SLC22A13: variants seen among roughly 807,000 people sequenced by gnomAD.
SLC22A13 encodes the protein organic anion transporter 10.
Under a neutral mutation model 49.1 loss-of-function variants are expected in SLC22A13, and 42 were observed. The ratio of observed to expected loss-of-function variants is 0.85; its 90% confidence interval spans 0.67 to 1.11. SLC22A13 has a LOEUF of 1.11. Among genes scored for constraint, SLC22A13 ranks in the 50% least tolerant of loss-of-function variants. The pLI is 0.00. For missense variants in SLC22A13, 694 were observed against 712.8 expected (o/e 0.97, Z 0.30); for synonymous variants, 282 against 293.1 (o/e 0.96, Z 0.39).
intron 4 of SLC22A13, 56 bp from the exon 5 acceptor site, chr3:38,275,314 C>T: frequency 6.2e-7 from 1 of 1,608,416 alleles, no homozygotes; most frequent in Non-Finnish European, 8.5e-7. Context: ...CTGGAACAAG[C>T]TGGAAAGCTC....
chr3:38,276,926 G>C lies in SLC22A13; in HGVS notation c.1361G>C (p.Gly454Ala), dbSNP rs1477596803. Residue 454 changes from glycine (G) to alanine (A), a missense_variant, in exon 9 of 10, where the codon GGG (glycine) becomes GCG (alanine). Physicochemically the swap from Gly to Ala is moderately conservative, Grantham distance 60. Transcript: ENST00000311856. ...TCTTCCCCCAGGCAGACAGGCATGG[G>C]GCTGGTGGGCATCTTCTCACGGATC... is the stretch of plus-strand genomic sequence containing the variant. ...FPTILRQTGM[G>A]LVGIFSRIGG... 1 of 1,613,642 alleles carries C rather than the reference G, an allele frequency of 6.2e-7. No individual in the cohort carries two copies. The highest frequency in any genetic ancestry group is 1.7e-5 in the Admixed American group (1 of 59,962).
chr3:38,267,833 G>A (rs775687948), intron 1 of SLC22A13, among the ~76,000 whole-genome samples: 1 of 152,116 alleles, frequency 6.6e-6, no homozygotes, highest in Non-Finnish European at 1.5e-5. Flanking sequence ...CAAGATACTA[G>A]AAAAATGTTG....
intron 2 of SLC22A13, 30 bp from the exon 3 acceptor site, chr3:38,274,574 C>G: frequency 1.2e-6 from 2 of 1,606,516 alleles, no homozygotes; most frequent in Non-Finnish European, 8.5e-7. Flanking sequence ...CGGGAGGGAC[C>G]CTCCCCACAG....
Position 38,277,039 on chromosome 3 carries a change from G to C in SLC22A13, c.1474G>C (p.Ala492Pro). The C allele has an allele frequency of 6.3e-7, 1 of 1,599,976 alleles. No individual in the cohort carries two copies. ...MLIYGSLPIVAGLLCTLLPET... is the reference protein window; with the variant it reads ...MLIYGSLPIVPGLLCTLLPET... ...CATCTACGGCAGCCTCCCCATCGTG[G>C]CCGGCCTGCTGTGCACCCTGCTGCC... Residue 492 changes from alanine (A) to proline (P), a missense_variant, in exon 9 of 10, where the codon GCC (alanine) becomes CCC (proline). By Grantham distance (27) the Ala-to-Pro change is conservative. Transcript: ENST00000311856.
At chr3:38,266,907 A>G (rs1318674128) in intron 1 of SLC22A13, among the ~76,000 whole-genome samples, 1 of 152,070 alleles carries the variant, frequency 6.6e-6, no homozygotes, top group Non-Finnish European at 1.5e-5. Context: ...ATCCAGTCCC[A>G]CTCTGTTGCT....
chr3:38,277,374 C>A lies in SLC22A13; in HGVS notation c.1565C>A (p.Ser522Tyr), dbSNP rs149788845. The part of the protein sequence containing the change: ...QDLELGPHPR[S>Y]PKSVPSEKET... Reference sequence around the variant, plus strand: ...TGACAGCCTTCTGCTCCCTCTAGGTCCCCCAAATCAGTGCCCTCAGAGAAG... The same window carrying A: ...TGACAGCCTTCTGCTCCCTCTAGGTACCCCAAATCAGTGCCCTCAGAGAAG... Residue 522 changes from serine to tyrosine, a missense_variant and splice_region_variant, in exon 10 of 10, where the codon TCC becomes TAC. Ser to Tyr is a moderately radical substitution (Grantham distance 144). Coordinates refer to ENST00000311856, the MANE Select transcript of SLC22A13 (RefSeq NM_004256.4). 6.2e-7 allele frequency: 1 copy of A among 1,612,700 alleles called. No homozygotes were observed. Among genetic ancestry groups the A allele is most frequent in the East Asian group, 2.2e-5 (1 of 44,878 alleles).
chr3:38,274,170 G>T, intron 1 of SLC22A13, 102 bp from the exon 2 acceptor site: 1 of 853,216 alleles, frequency 1.2e-6, no homozygotes. Context: ...CACAGTTTGG[G>T]AACCATGAGC....
intron 1 of SLC22A13, among the ~76,000 whole-genome samples, chr3:38,271,691 A>G (rs1225208631): frequency 6.6e-6 from 1 of 152,204 alleles, no homozygotes. Flanking sequence ...GGGAAGCAGA[A>G]AGAACAACCA....
intron 1 of SLC22A13, among the ~76,000 whole-genome samples, chr3:38,273,191 A>G (rs947015353): frequency 6.6e-5 from 10 of 152,214 alleles, no homozygotes; most frequent in African/African-American, 2.4e-4. Context: ...GGGGCCCACA[A>G]ACCCCATGGG....
At chr3:38,272,230 C>T (rs1703530543) in intron 1 of SLC22A13, among the ~76,000 whole-genome samples, 1 of 152,230 alleles carries the variant, frequency 6.6e-6, no homozygotes, top group Admixed American at 6.5e-5. Flanking sequence ...AGGCTTGGTG[C>T]TCATGCCCAC....
At chr3:38,272,969 C>G (rs1003094910) in intron 1 of SLC22A13, among the ~76,000 whole-genome samples, 1 of 152,210 alleles carries the variant, frequency 6.6e-6, no homozygotes, top group Non-Finnish European at 1.5e-5. Flanking sequence ...GCTGCTTAAA[C>G]TTTCCTTTCT....
Position 38,278,531 on chromosome 3 carries a change from CCTT to C in SLC22A13, c.*1070_*1072del, listed in dbSNP as rs1703612679. Among the ~76,000 whole-genome samples, 1 of 152,080 alleles carries C rather than the reference CCTT, an allele frequency of 6.6e-6. No homozygotes were observed. The highest frequency in any genetic ancestry group is 6.5e-5 in the Admixed American group (1 of 15,270). ...GCAGCCCCTGACCCAACCAAGATGGCCTTCTTGGCTGGGCGTGGTGGTTCATGC... is the reference window on the plus strand; with the variant it reads ...GCAGCCCCTGACCCAACCAAGATGGCCTTGGCTGGGCGTGGTGGTTCATGC... On this transcript the variant is annotated 3_prime_UTR_variant, in exon 10 of 10. Coordinates refer to ENST00000311856, the MANE Select transcript of SLC22A13 (RefSeq NM_004256.4).
chr3:38,269,412 C>T (rs1703496375), intron 1 of SLC22A13, among the ~76,000 whole-genome samples: 1 of 152,136 alleles, frequency 6.6e-6, no homozygotes, highest in Admixed American at 6.5e-5. Context: ...CATGCACCAC[C>T]ATGCCCGGCT....
At chr3:38,274,238 C>T (rs764304832) in intron 1 of SLC22A13, 34 bp from the exon 2 acceptor site, 9 of 1,509,308 alleles carry the variant, frequency 6.0e-6, no homozygotes, top group South Asian at 4.5e-5. Flanking sequence ...CTCCTTGCAG[C>T]CCCTGGACTC....
rs1314951532 is a variant in SLC22A13, at chr3:38,277,390, C to T, written c.1581C>T (p.Pro527=). The change falls in exon 10 of 10, where the codon CCC becomes CCT. Residue 527 remains proline (P), a synonymous_variant. Transcript: ENST00000311856. ...CCTCTAGGTCCCCCAAATCAGTGCC[C>T]TCAGAGAAGGAAACAGAGGCCAAGG... ...GPHPRSPKSV[P]SEKETEAKGR... 6.2e-7 allele frequency: 1 copy of T among 1,614,044 alleles called. No individual in the cohort carries two copies. The highest frequency in any genetic ancestry group is 1.1e-5 in the South Asian group (1 of 91,076).
At chr3:38,268,658 T>C (rs923154479) in intron 1 of SLC22A13, among the ~76,000 whole-genome samples, 3 of 152,316 alleles carry the variant, frequency 2.0e-5, no homozygotes, top group African/African-American at 7.2e-5. Context: ...ATAGCAAATT[T>C]TCTCAAAAGT....
rs149591926 is a variant in SLC22A13 at position 38,274,677 on chromosome 3, C to A, written c.556C>A (p.Pro186Thr). The part of the protein sequence containing the change: ...TLIGLATAFV[P>T]SFELYMALRF... ...CATCGGCCTGGCCACAGCTTTTGTG[C>A]CCAGCTTTGAGCTCTACATGGCCCT... Residue 186 changes from proline to threonine, a missense_variant, in exon 3 of 10, where the codon CCC (proline) becomes ACC (threonine). Physicochemically the swap from Pro to Thr is conservative, Grantham distance 38. Transcript: ENST00000311856. 36 of 1,614,132 alleles carry A rather than the reference C, an allele frequency of 2.2e-5. No homozygotes were observed. In the African/African-American group the frequency reaches 3.7e-4, roughly 17 times the overall value.
chr3:38,274,445 T>G, intron 2 of SLC22A13, 70 bp downstream of exon 2: 1 of 1,459,224 alleles, frequency 6.9e-7, no homozygotes. Flanking sequence ...CAAGTCCCCC[T>G]TATGCCCCTT....
Position 38,277,558 on chromosome 3 carries a change from C to A in SLC22A13, c.*93C>A. On this transcript the variant is annotated 3_prime_UTR_variant, in exon 10 of 10. Coordinates refer to ENST00000311856, the MANE Select transcript of SLC22A13 (RefSeq NM_004256.4). ...GGACCCACAGGGACACAGGGCAAGACCAGCCTTGCTTATGGAGGCAGGACA... is the reference window on the plus strand; with the variant it reads ...GGACCCACAGGGACACAGGGCAAGAACAGCCTTGCTTATGGAGGCAGGACA... The A allele has an allele frequency of 1.1e-6, 1 of 917,656 alleles. No homozygotes were observed. Among genetic ancestry groups the A allele is most frequent in the Non-Finnish European group, 1.7e-6 (1 of 586,950 alleles). The allele number at this position is 917,656 out of a possible 1,614,324, so 56.8% of individuals were successfully genotyped here.
Sources: gnomAD v4.1 joint callset for allele counts (sites outside exome capture counted in the v4.1 genomes callset) on GRCh38, gnomAD v4.1.1 for gene constraint, MANE v1.5 for transcripts, NCBI Gene and HGNC (gene_info 2026-07-23, HGNC 2026-07-21) for gene names.